FAM161A: variants seen among roughly 807,000 people sequenced by gnomAD.
FAM161A encodes FAM161 centrosomal protein A.
In FAM161A, 57 loss-of-function variants were observed where a neutral mutation model predicts 70.9. The ratio of observed to expected loss-of-function variants is 0.80; its 90% CI spans 0.65 to 1.00. FAM161A has a LOEUF of 1.00. Ranked by LOEUF, FAM161A falls within the 50% of genes least tolerant of loss-of-function variation. The pLI is 0.00. For synonymous variants in FAM161A, 299 were observed against 295.7 expected (o/e 1.01, Z -0.12); for missense variants, 880 against 836.0 (o/e 1.05, Z -0.65).
chr2:61,815,087 G>A, the FAM161A span, among the ~76,000 whole-genome samples: 1 of 152,190 alleles, frequency 6.6e-6, no homozygotes, highest in South Asian at 2.1e-4. Flanking sequence ...AGAAGGAGTT[G>A]TTCCCATCAG....
In FAM161A at chr2:61,854,035, T is replaced by C; in HGVS notation, c.7A>G (p.Thr3Ala). The C allele has an allele frequency of 6.2e-7, 1 of 1,607,264 alleles. No individual in the cohort carries two copies. The highest frequency in any genetic ancestry group is 8.5e-7 in the Non-Finnish European group (1 of 1,177,072). Residue 3 changes from threonine to alanine, a missense_variant, in exon 1 of 7, where the codon ACC (threonine) becomes GCC (alanine). By Grantham distance (58) the Thr-to-Ala change is moderately conservative. Transcript: ENST00000404929. MA[T>A]SHRVAKLVAS... Reference sequence around the variant, plus strand: ...ACCAGCTTCGCCACTCGGTGGGAGGTGGCCATCGCCCCGCCTCCGAGGCCT... The same window carrying C: ...ACCAGCTTCGCCACTCGGTGGGAGGCGGCCATCGCCCCGCCTCCGAGGCCT...
chr2:61,854,032 A>T lies in FAM161A; in HGVS notation c.10T>A (p.Ser4Thr). Residue 4 changes from serine to threonine, a missense_variant, in exon 1 of 7, where the codon TCC becomes ACC. Ser to Thr is a moderately conservative substitution (Grantham distance 58, BLOSUM62 1). Transcript: ENST00000404929. ...GCCACCAGCTTCGCCACTCGGTGGG[A>T]GGTGGCCATCGCCCCGCCTCCGAGG... MAT[S>T]HRVAKLVASS... The T allele has an allele frequency of 6.2e-7, 1 of 1,609,004 alleles. No homozygotes were observed. The highest frequency in any genetic ancestry group is 8.5e-7 in the Non-Finnish European group (1 of 1,177,814).
At chr2:61,811,720 A>C in the FAM161A span, among the ~76,000 whole-genome samples, 4 of 151,848 alleles carry the variant, frequency 2.6e-5, no homozygotes, top group Non-Finnish European at 2.9e-5. Flanking sequence ...TGCCCAGGCT[A>C]GTCTTGAACT....
intron 1 of FAM161A, among the ~76,000 whole-genome samples, chr2:61,844,364 A>T (rs1673130067): frequency 6.6e-6 from 1 of 152,110 alleles, no homozygotes; most frequent in South Asian, 2.1e-4. Context: ...GCCATCCTGC[A>T]ATCAGCTAGC....
intron 4 of FAM161A, among the ~76,000 whole-genome samples, chr2:61,838,063 G>C (rs984921382): frequency 6.6e-6 from 1 of 152,136 alleles, no homozygotes; most frequent in African/African-American, 2.4e-5. Context: ...TAAGAATTCC[G>C]TGAATATTTT....
chr2:61,839,461 C>T lies in FAM161A; in HGVS notation c.1543G>A (p.Val515Met), dbSNP rs751120519. ...NPVPCNCNPP[V>M]PTVSSRGREQ... is the part of the protein sequence containing the mutation. ...CGTCCTCTGGAAGATACCGTGGGCA[C>T]GGGAGGGTTGCAGTTACAAGGCACA... is the stretch of plus-strand genomic sequence containing the variant. The change falls in exon 3 of 7, where the codon GTG becomes ATG. Residue 515 changes from valine (V) to methionine (M), a missense_variant. Coordinates refer to ENST00000404929, the MANE Select transcript of FAM161A (RefSeq NM_001201543.2). The T allele has an allele frequency of 2.2e-5, 35 of 1,614,116 alleles. 1 individual carries two copies. Among genetic ancestry groups the T allele is most frequent in the South Asian group, 1.4e-4 (13 of 91,082 alleles).
intron 2 of FAM161A, 141 bp downstream of exon 2, chr2:61,841,981 T>C: frequency 3.0e-6 from 2 of 673,890 alleles, no homozygotes; most frequent in South Asian, 3.4e-5. Context: ...ATTAAACATT[T>C]TGAATAAAAT....
chr2:61,809,170 G>A, the FAM161A span, among the ~76,000 whole-genome samples: 370 of 152,202 alleles, frequency 2.4e-3, 2 homozygotes, highest in African/African-American at 8.4e-3. Context: ...ACCGCGCCCC[G>A]CCTAGTGCTT....
At chr2:61,804,735 A>C in the FAM161A span, among the ~76,000 whole-genome samples, 1 of 144,266 alleles carries the variant, frequency 6.9e-6, no homozygotes, top group African/African-American at 2.6e-5. Flanking sequence ...AAAGAAGGAA[A>C]GAAAGAAAGG....
chr2:61,820,685 T>G (rs1672184800), downstream of FAM161A: 1 of 424,096 alleles, frequency 2.4e-6, no homozygotes, highest in African/African-American at 2.0e-5. Flanking sequence ...AAAGTTTTTA[T>G]CATTTAAAGA....
Position 61,842,140 on chromosome 2 carries a change from G to A in FAM161A, c.404C>T (p.Ser135Phe). The A allele has an allele frequency of 6.3e-7, 1 of 1,596,290 alleles. No individual in the cohort carries two copies. The highest frequency in any genetic ancestry group is 8.6e-7 in the Non-Finnish European group (1 of 1,163,868). The part of the protein sequence containing the change: ...EVQPVVIRED[S>F]LSDSSRSVSE... Reference sequence around the variant, plus strand: ...AGCTTACCTGGAAGAGTCACTAAGAGAGTCTTCTCTGATGACCACTGGCTG... The same window carrying A: ...AGCTTACCTGGAAGAGTCACTAAGAAAGTCTTCTCTGATGACCACTGGCTG... The change falls in exon 2 of 7, where the codon TCT becomes TTT. Residue 135 changes from serine to phenylalanine, a missense_variant. Transcript: ENST00000404929.
intron 3 of FAM161A, among the ~76,000 whole-genome samples, 190 bp from the exon 4 acceptor site, chr2:61,838,895 T>TATTTA (rs61041215): frequency 1.4e-5 from 2 of 145,672 alleles, no homozygotes; most frequent in African/African-American, 2.6e-5. Flanking sequence ...TTTATTTATT[T>TATTTA]TTTTTGAGAT....
At chr2:61,819,203 G>C in the FAM161A span, among the ~76,000 whole-genome samples, 1 of 152,136 alleles carries the variant, frequency 6.6e-6, no homozygotes, top group Admixed American at 6.6e-5. Context: ...AAAACTAAAT[G>C]CACCCACCAA....
At chr2:61,816,686 G>A in the FAM161A span, among the ~76,000 whole-genome samples, 1 of 152,082 alleles carries the variant, frequency 6.6e-6, no homozygotes, top group East Asian at 1.9e-4. Flanking sequence ...GCCCAGGCTG[G>A]TCTCGAACTC....
At chr2:61,834,172 T>TA (rs1181334211) in intron 5 of FAM161A, among the ~76,000 whole-genome samples, 1 of 152,062 alleles carries the variant, frequency 6.6e-6, no homozygotes. Flanking sequence ...TACACAGCCA[T>TA]AAAAAAGAAT....
chr2:61,834,888 A>G (rs1165661885), intron 5 of FAM161A, among the ~76,000 whole-genome samples: 1 of 152,204 alleles, frequency 6.6e-6, no homozygotes, highest in Non-Finnish European at 1.5e-5. Context: ...AAAAACTTGC[A>G]GTTCAGAGCT....
chr2:61,826,873 T>C (rs1481743207), intron 6 of FAM161A, among the ~76,000 whole-genome samples: 2 of 152,270 alleles, frequency 1.3e-5, no homozygotes, highest in African/African-American at 4.8e-5. Flanking sequence ...CTTATGTCTT[T>C]AAGAAATCTG....
rs190288169 is a variant in FAM161A at position 61,825,174 on chromosome 2, A to G, written c.*1281T>C. ...TTTAGAAAAGAAAATGTCTTATGCTATATTATCTTTATGATTGGCTTCAAA... is the reference window on the plus strand; with the variant it reads ...TTTAGAAAAGAAAATGTCTTATGCTGTATTATCTTTATGATTGGCTTCAAA... On this transcript the variant is annotated 3_prime_UTR_variant, in exon 7 of 7. Coordinates refer to ENST00000404929, the MANE Select transcript of FAM161A (RefSeq NM_001201543.2). 413 of 440,176 alleles carry G rather than the reference A, an allele frequency of 9.4e-4. 3 individuals carry two copies. Among genetic ancestry groups the G allele is most frequent in the African/African-American group, 7.6e-3 (376 of 49,220 alleles). 27.3% of individuals were successfully genotyped at this position (440,176 alleles called of 1,614,324 possible). A position where few individuals can be genotyped will look rare whatever the true frequency, so the allele number is the denominator to read the frequency against.
chr2:61,832,802 T>C (rs1300492518), intron 5 of FAM161A, among the ~76,000 whole-genome samples: 1 of 152,100 alleles, frequency 6.6e-6, no homozygotes, highest in African/African-American at 2.4e-5. Context: ...CCTGAAATGA[T>C]CCATTTCCCG....
Sources: allele counts gnomAD v4.1 joint callset (sites outside exome capture counted in the v4.1 genomes callset), GRCh38; gene constraint gnomAD v4.1.1; transcripts MANE v1.5; gene names NCBI Gene and HGNC (gene_info 2026-07-23, HGNC 2026-07-21).